Variants in AVPI1 observed in about 807,000 individuals in gnomAD.
The protein encoded by AVPI1 is arginine vasopressin-induced protein 1.
Under a neutral mutation model 11.9 loss-of-function variants are expected in AVPI1, and 9 were observed. The ratio of observed to expected loss-of-function variants is 0.76; its 90% CI spans 0.46 to 1.32. The LOEUF is 1.32. Ranked by LOEUF, AVPI1 falls within the 40% of genes most tolerant of loss-of-function variation. The pLI, the probability that AVPI1 is intolerant of heterozygous loss-of-function variation, is 0.00. For synonymous variants in AVPI1, 68 were observed against 78.1 expected, an observed-to-expected ratio of 0.87 and a Z score of 0.68; for missense variants, 207 against 195.8, an observed-to-expected ratio of 1.06 and a Z score of -0.34.
In AVPI1 at chr10:97,677,804, T is replaced by A; in HGVS notation, c.*65A>T. ...TGGGCTGCTTGCCTAAAGTCTCTCT[T>A]CCTTCACCTCCCCAGGCCTTTTGGC... On this transcript the variant is annotated 3_prime_UTR_variant, in exon 3 of 3. Coordinates refer to ENST00000370626, the MANE Select transcript of AVPI1 (RefSeq NM_021732.3). The A allele has an allele frequency of 3.8e-6, 6 of 1,588,686 alleles. No homozygotes were observed. The highest frequency in any genetic ancestry group is 5.1e-6 in the Non-Finnish European group (6 of 1,165,078).
Position 97,678,081 on chromosome 10 carries a change from C to T in AVPI1, c.288-56G>A, listed in dbSNP as rs2041676311. 1.5e-5 allele frequency: 23 copies of T among 1,557,658 alleles called. 1 individual carries two copies. In the South Asian group the frequency reaches 2.4e-4, roughly 16 times the overall value. ...ATCAATAGGAAGAATGGAATGGGGACTTCAAGAGATTTCGTCATGGTGGAC... is the reference window on the plus strand; with the variant it reads ...ATCAATAGGAAGAATGGAATGGGGATTTCAAGAGATTTCGTCATGGTGGAC... On this transcript the variant is annotated intron_variant, in intron 2 of 2. Coordinates refer to ENST00000370626, the MANE Select transcript of AVPI1 (RefSeq NM_021732.3).
chr10:97,684,190 G>C (rs1230700280), intron 1 of AVPI1, among the ~76,000 whole-genome samples: 2 of 152,162 alleles, frequency 1.3e-5, no homozygotes, highest in African/African-American at 4.8e-5. Context: ...CCAAGCCCGG[G>C]GCAGACGCCT....
At position 97,678,924 on chromosome 10, in the gene AVPI1, TGTGTGTGTGTGTGTGTG is replaced by T. The variant is rs1564779843; in HGVS notation, c.287+678_287+694del. Among the ~76,000 whole-genome samples, 4 of 17,568 alleles carry T rather than the reference TGTGTGTGTGTGTGTGTG, an allele frequency of 2.3e-4. 1 individual carries two copies. The East Asian group carries it at 5.2e-3, about 23-fold the overall frequency. The allele number at this position is 17,568 out of a possible 152,430, so 11.5% of individuals were successfully genotyped here. On this transcript the variant is annotated intron_variant, in intron 2 of 2. Transcript: ENST00000370626. ...GTGTGTGTGTGTGTGTGTGTGTGTG[TGTGTGTGTGTGTGTGTG>T]TGTGTGTGTGTGTGTGTGTGTGTGT...
chr10:97,678,673 T>C (rs1564779653), intron 2 of AVPI1, among the ~76,000 whole-genome samples: 1 of 122,952 alleles, frequency 8.1e-6, no homozygotes, highest in Non-Finnish European at 1.6e-5. Context: ...AGCCAAGATT[T>C]TAATTAGGCT....
intron 2 of AVPI1, 129 bp downstream of exon 2, chr10:97,679,490 T>G: frequency 8.3e-7 from 1 of 1,201,568 alleles, no homozygotes; most frequent in African/African-American, 1.5e-5. Context: ...GTGTAGACCT[T>G]ATAACCACCC....
In AVPI1 at chr10:97,678,950, T is replaced by A. The variant is rs1564779894; in HGVS notation, c.287+669A>T. Among the ~76,000 whole-genome samples the A allele has an allele frequency of 1.1e-3, 43 of 39,520 alleles. 5 individuals carry two copies. In the East Asian group the frequency reaches 0.015, roughly 14 times the overall value. The allele number at this position is 39,520 out of a possible 152,430, so 25.9% of individuals were successfully genotyped here. The stretch of plus-strand genomic sequence containing the variant: ...GTGTGTGTGTGTGTGTGTGTGTGTG[T>A]GTGTGTGTGTGTGTGTGTGTGTGTG... On this transcript the variant is annotated intron_variant, in intron 2 of 2. Transcript: ENST00000370626.
At chr10:97,678,134 G>A in intron 2 of AVPI1, 109 bp from the exon 3 acceptor site, 1 of 1,248,380 alleles carries the variant, frequency 8.0e-7, no homozygotes, top group Non-Finnish European at 1.1e-6. Flanking sequence ...GGAGCAAAAT[G>A]AGAGCGGGGC....
At position 97,679,753 on chromosome 10, in the gene AVPI1, G is replaced by A. The variant is rs747319530; in HGVS notation, c.153C>T (p.Ala51=). The A allele has an allele frequency of 1.9e-5, 30 of 1,613,966 alleles. 1 individual carries two copies. Among genetic ancestry groups the A allele is most frequent in the Admixed American group, 1.8e-4 (11 of 60,006 alleles). The change falls in exon 2 of 3, where the codon GCC becomes GCT. Residue 51 remains alanine, a synonymous_variant. Coordinates refer to ENST00000370626, the MANE Select transcript of AVPI1 (RefSeq NM_021732.3). The part of the protein sequence containing the change: ...ALFQRSGDQL[A]EERAQIIWEC... ...CCCAGATGATCTGTGCCCGTTCCTC[G>A]GCCAGCTGGTCCCCGCTGCGTTGAA...
In AVPI1 at chr10:97,677,653, G is replaced by A; in HGVS notation, c.*216C>T. 3 of 553,944 alleles carry A rather than the reference G, an allele frequency of 5.4e-6. No homozygotes were observed. Among genetic ancestry groups the A allele is most frequent in the Non-Finnish European group, 9.6e-6 (3 of 312,628 alleles). 34.3% of individuals were successfully genotyped at this position (553,944 alleles called of 1,614,324 possible). The stretch of plus-strand genomic sequence containing the variant: ...ACTGGGAAGGACTGTGGCAGGAACA[G>A]TCACTGTCTCTCCTCATTTTGGTGA... On this transcript the variant is annotated 3_prime_UTR_variant, in exon 3 of 3. Transcript: ENST00000370626.
Position 97,678,946 on chromosome 10 carries a change from T to TCA in AVPI1, c.287+672_287+673insTG, listed in dbSNP as rs1564779873. Among the ~76,000 whole-genome samples the TCA allele has an allele frequency of 1.4e-3, 60 of 43,182 alleles. 10 individuals carry two copies. The highest frequency in any genetic ancestry group is 0.011 in the East Asian group (18 of 1,578). 28.3% of individuals were successfully genotyped at this position (43,182 alleles called of 152,430 possible). On this transcript the variant is annotated intron_variant, in intron 2 of 2. Transcript: ENST00000370626. ...GTGTGTGTGTGTGTGTGTGTGTGTG[T>TCA]GTGTGTGTGTGTGTGTGTGTGTGTG...
chr10:97,683,790 G>C (rs2041716006), intron 1 of AVPI1, among the ~76,000 whole-genome samples: 1 of 152,250 alleles, frequency 6.6e-6, no homozygotes, highest in Non-Finnish European at 1.5e-5. Flanking sequence ...TTACGAGTCA[G>C]AGGAGTCGGT....
chr10:97,679,872 G>C lies in AVPI1; in HGVS notation c.34C>G (p.Pro12Ala). 1 of 1,594,172 alleles carries C rather than the reference G, an allele frequency of 6.3e-7. No individual in the cohort carries two copies. Among genetic ancestry groups the C allele is most frequent in the Non-Finnish European group, 8.5e-7 (1 of 1,173,614 alleles). The change falls in exon 2 of 3, where the codon CCC becomes GCC. Residue 12 changes from proline (P) to alanine (A), a missense_variant. Transcript: ENST00000370626. ...GCCTCAATCGGGGCCTGCCAAGGGG[G>C]TGGCTCACTGACCACCGAGGCTGGG... ...GTPASVVSEP[P>A]PWQAPIEARG...
intron 1 of AVPI1, among the ~76,000 whole-genome samples, chr10:97,683,016 CT>C (rs1201941136): frequency 4.6e-5 from 7 of 152,218 alleles, no homozygotes; most frequent in Non-Finnish European, 1.0e-4. Flanking sequence ...GTATGATATC[CT>C]TTAATCCTCA....
chr10:97,679,169 C>T (rs2041688676), intron 2 of AVPI1, among the ~76,000 whole-genome samples: 1 of 135,740 alleles, frequency 7.4e-6, no homozygotes, highest in Non-Finnish European at 1.5e-5. Context: ...GAGACAGAGT[C>T]TCGCTCTGTC....
intron 2 of AVPI1, among the ~76,000 whole-genome samples, chr10:97,678,855 T>G (rs1402866773): frequency 6.7e-6 from 1 of 148,954 alleles, no homozygotes; most frequent in Non-Finnish European, 1.5e-5. Context: ...GCCTGGCTAA[T>G]TTCTCTTTTT....
chr10:97,678,385 G>T (rs918438605), intron 2 of AVPI1, among the ~76,000 whole-genome samples: 10 of 152,278 alleles, frequency 6.6e-5, no homozygotes, highest in African/African-American at 2.4e-4. Flanking sequence ...AGGACCTGAT[G>T]ACCTCCAAAG....
Position 97,677,861 on chromosome 10 carries a change from T to A in AVPI1, c.*8A>T. ...GAAGACACTGCCATTCCTGGCTCTT[T>A]CCCTGGATCAGTGTCTGATCTGGTG... On this transcript the variant is annotated 3_prime_UTR_variant, in exon 3 of 3. Coordinates refer to ENST00000370626, the MANE Select transcript of AVPI1 (RefSeq NM_021732.3). 1.9e-6 allele frequency: 3 copies of A among 1,613,888 alleles called. No homozygotes were observed. Among genetic ancestry groups the A allele is most frequent in the Admixed American group, 1.7e-5 (1 of 59,996 alleles).
rs1419390669 is a variant in AVPI1, at chr10:97,677,665, C to T, written c.*204G>A. 2.1e-5 allele frequency: 12 copies of T among 573,388 alleles called. No homozygotes were observed. The highest frequency in any genetic ancestry group is 1.5e-4 in the African/African-American group (8 of 53,234). 35.5% of individuals were successfully genotyped at this position (573,388 alleles called of 1,614,324 possible). A position where few individuals can be genotyped will look rare whatever the true frequency, so the allele number is the denominator to read the frequency against. The stretch of plus-strand genomic sequence containing the variant: ...TGTGGCAGGAACAGTCACTGTCTCT[C>T]CTCATTTTGGTGAGGAATGGGTCCC... On this transcript the variant is annotated 3_prime_UTR_variant, in exon 3 of 3. Transcript: ENST00000370626.
chr10:97,680,273 T>C (rs547232597), intron 1 of AVPI1, among the ~76,000 whole-genome samples: 39 of 152,338 alleles, frequency 2.6e-4, no homozygotes, highest in Admixed American at 6.5e-4. Flanking sequence ...GGATGCCCAG[T>C]AGCAGCTCAA....
Sources: gnomAD v4.1 joint callset for allele counts (sites outside exome capture counted in the v4.1 genomes callset) on GRCh38, gnomAD v4.1.1 for gene constraint, MANE v1.5 for transcripts, NCBI Gene and HGNC (gene_info 2026-07-23, HGNC 2026-07-21) for gene names.